Variants in ENTHD1 observed in about 807,000 individuals in gnomAD.
The protein encoded by ENTHD1 is ENTH domain-containing protein 1.
A neutral mutation model predicts 39.1 loss-of-function variants in ENTHD1; 23 were observed. The observed-to-expected ratio is 0.59, with a 90% confidence interval of 0.42 to 0.83. ENTHD1 has a LOEUF of 0.83. Ranked by LOEUF, ENTHD1 falls within the 40% of genes least tolerant of loss-of-function variation. The pLI is 0.00. For synonymous variants in ENTHD1, 230 were observed against 258.2 expected (o/e 0.89, Z 1.05); for missense variants, 624 against 705.4 (o/e 0.88, Z 1.31).
chr22:39,827,856 C>A (rs2065838299), intron 4 of ENTHD1, among the ~76,000 whole-genome samples: 1 of 152,078 alleles, frequency 6.6e-6, no homozygotes, highest in Admixed American at 6.6e-5. Flanking sequence ...ATTATTGCAA[C>A]TTTGCTTTAA....
chr22:39,862,208 C>T (rs2066147560), intron 2 of ENTHD1, among the ~76,000 whole-genome samples: 1 of 152,064 alleles, frequency 6.6e-6, no homozygotes, highest in Admixed American at 6.6e-5. Flanking sequence ...AAATTATATA[C>T]TGGCATTACA....
rs552768610 is a variant in ENTHD1 at position 39,887,275 on chromosome 22, A to C, written c.349+125T>G. ...GAGTACAGTGGCTATTCACAGGTGCAATCTTTCCTCACTACAGCATCAAAT... is the reference window on the plus strand; with the variant it reads ...GAGTACAGTGGCTATTCACAGGTGCCATCTTTCCTCACTACAGCATCAAAT... On this transcript the variant is annotated intron_variant, in intron 2 of 6. Transcript: ENST00000325157. The C allele has an allele frequency of 2.3e-5, 18 of 781,092 alleles. No individual in the cohort carries two copies. In the East Asian group the frequency reaches 4.5e-4, roughly 20 times the overall value. The allele number at this position is 781,092 out of a possible 1,614,324, so 48.4% of individuals were successfully genotyped here.
intron 5 of ENTHD1, among the ~76,000 whole-genome samples, chr22:39,806,626 A>G (rs1445792642): frequency 1.3e-5 from 2 of 152,206 alleles, no homozygotes; most frequent in Non-Finnish European, 2.9e-5. Context: ...AATGATGAAC[A>G]AGACACAGCC....
intron 4 of ENTHD1, among the ~76,000 whole-genome samples, chr22:39,835,500 A>AT (rs930242909): frequency 1.3e-5 from 2 of 152,124 alleles, no homozygotes; most frequent in African/African-American, 2.4e-5. Context: ...ATTTCTCAAG[A>AT]TTTTTTTAAT....
Position 39,747,278 on chromosome 22 carries a change from T to TGCCTG in ENTHD1, c.1220-2996_1220-2995insCAGGC, listed in dbSNP as rs112937865. ...CTGGGATTACCTCTGTGAGCCACTG[T>TGCCTG]GCCCCCTCAAATAGTTGTTTTTAAA... is the stretch of plus-strand genomic sequence containing the variant. On this transcript the variant is annotated intron_variant, in intron 6 of 6. Coordinates refer to ENST00000325157, the MANE Select transcript of ENTHD1 (RefSeq NM_152512.4). 2.8e-4 allele frequency among the ~76,000 whole-genome samples: 43 copies of TGCCTG among 152,296 alleles called. 1 individual carries two copies. The highest frequency in any genetic ancestry group is 9.6e-4 in the African/African-American group (40 of 41,564).
chr22:39,755,344 C>T (rs761546039), intron 6 of ENTHD1, among the ~76,000 whole-genome samples: 3 of 152,030 alleles, frequency 2.0e-5, no homozygotes, highest in East Asian at 1.9e-4. Context: ...AGGGGTGGGC[C>T]GGGAGTGTTC....
At chr22:39,768,598 C>T (rs2065297220) in intron 5 of ENTHD1, among the ~76,000 whole-genome samples, 1 of 152,084 alleles carries the variant, frequency 6.6e-6, no homozygotes. Context: ...ACTCATTTTT[C>T]ACTTAATTAT....
At chr22:39,815,664 C>G (rs963818148) in intron 5 of ENTHD1, among the ~76,000 whole-genome samples, 4 of 152,100 alleles carry the variant, frequency 2.6e-5, no homozygotes, top group African/African-American at 9.7e-5. Context: ...CCCTGAGAAC[C>G]AGGAATCTTG....
rs1244873714 is a variant in ENTHD1, at chr22:39,875,761, C to T, written c.349+11639G>A. 6.2e-6 allele frequency: 10 copies of T among 1,613,120 alleles called. No homozygotes were observed. The East Asian group carries it at 8.9e-5, about 14-fold the overall frequency. ...TGGCGAAAATCGAAATCAAGTTATC[C>T]GATATTCCAGAAGGCAAGAACATGG... On this transcript the variant is annotated intron_variant, in intron 2 of 6. Coordinates refer to ENST00000325157, the MANE Select transcript of ENTHD1 (RefSeq NM_152512.4).
chr22:39,884,235 G>A (rs1210257039), intron 2 of ENTHD1, among the ~76,000 whole-genome samples: 1 of 151,968 alleles, frequency 6.6e-6, no homozygotes, highest in African/African-American at 2.4e-5. Flanking sequence ...CTGGAGTGCA[G>A]TGGTGTGATC....
chr22:39,861,730 C>A, intron 3 of ENTHD1, 35 bp downstream of exon 3: 2 of 1,402,460 alleles, frequency 1.4e-6, no homozygotes, highest in Non-Finnish European at 1.9e-6. Flanking sequence ...TTAATGATAC[C>A]TGTTGCATTT....
intron 5 of ENTHD1, among the ~76,000 whole-genome samples, chr22:39,808,495 A>G (rs573057988): frequency 1.7e-4 from 26 of 152,346 alleles, no homozygotes; most frequent in African/African-American, 6.3e-4. Flanking sequence ...CATTCTAATA[A>G]AAAGTCAACT....
chr22:39,758,328 A>T (rs1268992322), intron 6 of ENTHD1, among the ~76,000 whole-genome samples: 2 of 152,230 alleles, frequency 1.3e-5, no homozygotes, highest in African/African-American at 4.8e-5. Context: ...GACAGCAGCC[A>T]TCCTTTCTTT....
intron 6 of ENTHD1, among the ~76,000 whole-genome samples, chr22:39,744,585 T>C (rs1034794352): frequency 6.6e-6 from 1 of 152,158 alleles, no homozygotes; most frequent in Non-Finnish European, 1.5e-5. Context: ...CTAAACTTAA[T>C]CAGAGAGAGT....
At chr22:39,876,689 T>C (rs2066292915) in intron 2 of ENTHD1, among the ~76,000 whole-genome samples, 2 of 152,222 alleles carry the variant, frequency 1.3e-5, no homozygotes, top group African/African-American at 4.8e-5. Context: ...AAGTATGTCA[T>C]AATATGTAAA....
Position 39,887,753 on chromosome 22 carries a change from AAT to A in ENTHD1, c.-7_-6del. The A allele has an allele frequency of 6.5e-7, 1 of 1,541,820 alleles. No individual in the cohort carries two copies. Among genetic ancestry groups the A allele is most frequent in the South Asian group, 1.3e-5 (1 of 78,330 alleles). On this transcript the variant is annotated 5_prime_UTR_variant, in exon 2 of 7. Transcript: ENST00000325157. ...CACTTGTCTCCTGAACGCCATAAGT[AAT>A]ACAAGTTCCAAGGTGAGATGGAGGA...
intron 6 of ENTHD1, among the ~76,000 whole-genome samples, chr22:39,762,232 G>T (rs1042181721): frequency 1.8e-4 from 28 of 152,072 alleles, no homozygotes; most frequent in African/African-American, 6.8e-4. Flanking sequence ...TTTGGGAAGA[G>T]TTTATACACA....
intron 2 of ENTHD1, among the ~76,000 whole-genome samples, chr22:39,876,321 G>T (rs1184749748): frequency 6.6e-6 from 1 of 152,172 alleles, no homozygotes; most frequent in Non-Finnish European, 1.5e-5. Context: ...GCACTGTTAT[G>T]CTCAGTCATA....
At chr22:39,770,485 G>A (rs947251100) in intron 5 of ENTHD1, among the ~76,000 whole-genome samples, 1 of 152,072 alleles carries the variant, frequency 6.6e-6, no homozygotes, top group African/African-American at 2.4e-5. Context: ...CCCATCCTAA[G>A]AGGCCTGGGT....
Sources: allele counts gnomAD v4.1 joint callset (sites outside exome capture counted in the v4.1 genomes callset), GRCh38; gene constraint gnomAD v4.1.1; transcripts MANE v1.5; gene names NCBI Gene and HGNC (gene_info 2026-07-23, HGNC 2026-07-21).